Variants in VPS33B observed in about 807,000 individuals in gnomAD.
VPS33B encodes the protein VPS33B late endosome and lysosome associated, also known as vacuolar protein sorting-associated protein 33B.
A neutral mutation model predicts 95.3 loss-of-function variants in VPS33B; 80 were observed. The ratio of observed to expected loss-of-function variants is 0.84; its 90% CI spans 0.70 to 1.01. The LOEUF is 1.01. Among genes scored for constraint, VPS33B ranks in the 50% least tolerant of loss-of-function variants. The pLI, the probability that VPS33B is intolerant of heterozygous loss-of-function variation, is 0.00. For missense variants in VPS33B, 715 were observed against 773.4 expected, an observed-to-expected ratio of 0.92 and a Z score of 0.90; for synonymous variants, 280 against 280.4, an observed-to-expected ratio of 1.00 and a Z score of 0.01.
intron 6 of VPS33B, 120 bp from the exon 7 acceptor site, chr15:91,008,084 A>C (rs534364828): frequency 1.1e-6 from 1 of 871,706 alleles, no homozygotes; most frequent in South Asian, 1.4e-5. Context: ...GCCACATGCC[A>C]GTACTGCATT....
In VPS33B at chr15:91,005,904, A is replaced by G; in HGVS notation, c.939+69T>C. Reference sequence around the variant, plus strand: ...GAACCTGTCATAGTATTAGAAGGGGAGCCCAAGGGCAGCAGCCTTGGGAAG... The same window carrying G: ...GAACCTGTCATAGTATTAGAAGGGGGGCCCAAGGGCAGCAGCCTTGGGAAG... On this transcript the variant is annotated intron_variant, in intron 12 of 22. Coordinates refer to ENST00000333371, the MANE Select transcript of VPS33B (RefSeq NM_018668.5). This position sits in a 1 kb window ranked among gnomAD's most constrained non-coding sequence, Gnocchi z 6.4. The G allele has an allele frequency of 6.2e-7, 1 of 1,600,740 alleles. No individual in the cohort carries two copies.
Position 91,003,129 on chromosome 15 carries a change from A to C in VPS33B, c.1228T>G (p.Leu410Val). The change falls in exon 17 of 23, where the codon TTG (leucine) becomes GTG (valine). Residue 410 changes from leucine to valine, a missense_variant and splice_region_variant. Leu to Val is a conservative substitution (Grantham distance 32). Coordinates refer to ENST00000333371, the MANE Select transcript of VPS33B (RefSeq NM_018668.5). ...AGAGATCGGTAATCCTTGGGGATCAAACCTAAGAGTGAAGAAAATAAGACA... is the reference window on the plus strand; with the variant it reads ...AGAGATCGGTAATCCTTGGGGATCACACCTAAGAGTGAAGAAAATAAGACA... ...MCLLSITENGLIPKDYRSLKT... is the reference protein window; with the variant it reads ...MCLLSITENGVIPKDYRSLKT... 6.2e-7 allele frequency: 1 copy of C among 1,614,192 alleles called. No individual in the cohort carries two copies. The highest frequency in any genetic ancestry group is 8.5e-7 in the Non-Finnish European group (1 of 1,180,032).
rs1440520030 is a variant in VPS33B, at chr15:91,002,656, AGAAAT to A, written c.1272+424_1272+428del. On this transcript the variant is annotated intron_variant, in intron 17 of 22. Transcript: ENST00000333371. The surrounding 1 kb of genome is among the most constrained non-coding windows in gnomAD (Gnocchi z 4.7). ...AAATAAAAAAAAAAAAAAAAAGAAA[AGAAAT>A]AATTAGCACCAAACAAAGAAGAATA... 6.6e-6 allele frequency among the ~76,000 whole-genome samples: 1 copy of A among 151,772 alleles called. No homozygotes were observed. The highest frequency in any genetic ancestry group is 1.9e-4 in the East Asian group (1 of 5,188).
rs1235404192 is a variant in VPS33B, at chr15:91,009,814, C to T, written c.390G>A (p.Glu130=). The T allele has an allele frequency of 6.2e-7, 1 of 1,614,206 alleles. No individual in the cohort carries two copies. Among genetic ancestry groups the T allele is most frequent in the Non-Finnish European group, 8.5e-7 (1 of 1,180,036 alleles). ...ATCTCCTCTCACCTCCATAGATTCC[C>T]TCTTCCTCAAGCACCATCTCACACG... ...FYACEMVLEE[E]GIYGDVSCDE... The change falls in exon 6 of 23, where the codon GAG becomes GAA. Residue 130 remains glutamate, a synonymous_variant. Coordinates refer to ENST00000333371, the MANE Select transcript of VPS33B (RefSeq NM_018668.5). This position sits in a 1 kb window ranked among gnomAD's most constrained non-coding sequence, Gnocchi z 4.1.
rs1339134734 is a variant in VPS33B, at chr15:91,000,854, G to T, written c.1480-263C>A. On this transcript the variant is annotated intron_variant, in intron 19 of 22. Coordinates refer to ENST00000333371, the MANE Select transcript of VPS33B (RefSeq NM_018668.5). This position sits in a 1 kb window ranked among gnomAD's most constrained non-coding sequence, Gnocchi z 4.9. ...TGGCTTCTCCTTTCCCTACCCTTAA[G>T]TGACACAGGATATGGTTGTCACTGA... The T allele has an allele frequency of 2.1e-6, 1 of 467,748 alleles. No homozygotes were observed. The highest frequency in any genetic ancestry group is 4.0e-6 in the Non-Finnish European group (1 of 253,000). The allele number at this position is 467,748 out of a possible 1,614,324, so 29.0% of individuals were successfully genotyped here.
At position 91,007,561 on chromosome 15, in the gene VPS33B, G is replaced by A. The variant is rs758360162; in HGVS notation, c.511C>T (p.Arg171Cys). The A allele has an allele frequency of 2.5e-6, 4 of 1,613,902 alleles. No individual in the cohort carries two copies. Among genetic ancestry groups the A allele is most frequent in the East Asian group, 2.2e-5 (1 of 44,892 alleles). Residue 171 changes from arginine to cysteine, a missense_variant, in exon 8 of 23, where the codon CGT becomes TGT. By Grantham distance (180) the Arg-to-Cys change is radical. Coordinates refer to ENST00000333371, the MANE Select transcript of VPS33B (RefSeq NM_018668.5). This position sits in a 1 kb window ranked among gnomAD's most constrained non-coding sequence, Gnocchi z 5.3. Reference sequence around the variant, plus strand: ...GCCTGAGCTACAGTGTTGATCCAACGCTGATCTCCTTCCTGCAGGGACCAC... The same window carrying A: ...GCCTGAGCTACAGTGTTGATCCAACACTGATCTCCTTCCTGCAGGGACCAC... ...FRDYFLEGDQRWINTVAQALH... is the reference protein window; with the variant it reads ...FRDYFLEGDQCWINTVAQALH...
chr15:91,004,954 G>C, intron 15 of VPS33B, 23 bp from the exon 16 acceptor site: 1 of 1,614,194 alleles, frequency 6.2e-7, no homozygotes, highest in South Asian at 1.1e-5. Flanking sequence ...AAAGAATCAA[G>C]GAGAATTGAA....
At position 91,002,972 on chromosome 15, in the gene VPS33B, G is replaced by T; in HGVS notation, c.1272+113C>A. The T allele has an allele frequency of 8.5e-7, 1 of 1,182,910 alleles. No individual in the cohort carries two copies. The highest frequency in any genetic ancestry group is 1.3e-6 in the Non-Finnish European group (1 of 788,508). The allele number at this position is 1,182,910 out of a possible 1,614,324, so 73.3% of individuals were successfully genotyped here. A position where few individuals can be genotyped will look rare whatever the true frequency, so the allele number is the denominator to read the frequency against. On this transcript the variant is annotated intron_variant, in intron 17 of 22. Coordinates refer to ENST00000333371, the MANE Select transcript of VPS33B (RefSeq NM_018668.5). The surrounding 1 kb of genome is among the most constrained non-coding windows in gnomAD (Gnocchi z 4.7). Reference sequence around the variant, plus strand: ...TAGCTCTAAGAGGGAGGCCTGAATGGAAACAGGAGGGTAATGGAGGCAGGA... The same window carrying T: ...TAGCTCTAAGAGGGAGGCCTGAATGTAAACAGGAGGGTAATGGAGGCAGGA...
Position 91,011,496 on chromosome 15 carries a change from A to G in VPS33B, c.358-1650T>C, listed in dbSNP as rs1386444071. On this transcript the variant is annotated intron_variant, in intron 5 of 22. Coordinates refer to ENST00000333371, the MANE Select transcript of VPS33B (RefSeq NM_018668.5). The surrounding 1 kb of genome is among the most constrained non-coding windows in gnomAD (Gnocchi z 5.5). ...AATGGAATTCCAGAGCCAGGTCTGA[A>G]AACTGCCAATCTTCATAATTAACAA... Among the ~76,000 whole-genome samples the G allele has an allele frequency of 6.6e-6, 1 of 152,232 alleles. No individual in the cohort carries two copies. The highest frequency in any genetic ancestry group is 1.5e-5 in the Non-Finnish European group (1 of 68,044).
Position 91,009,051 on chromosome 15 carries a change from G to A in VPS33B, c.403+750C>T, listed in dbSNP as rs775696024. Reference sequence around the variant, plus strand: ...GGGATTCTGGGCTTTATATTGAGCCGCTGCTATTTCCAGCAGGGAGGGCTG... The same window carrying A: ...GGGATTCTGGGCTTTATATTGAGCCACTGCTATTTCCAGCAGGGAGGGCTG... On this transcript the variant is annotated intron_variant, in intron 6 of 22. Coordinates refer to ENST00000333371, the MANE Select transcript of VPS33B (RefSeq NM_018668.5). This position sits in a 1 kb window ranked among gnomAD's most constrained non-coding sequence, Gnocchi z 4.1. Among the ~76,000 whole-genome samples, 3 of 152,092 alleles carry A rather than the reference G, an allele frequency of 2.0e-5. No individual in the cohort carries two copies. The highest frequency in any genetic ancestry group is 4.4e-5 in the Non-Finnish European group (3 of 68,018).
chr15:91,006,025 T>C lies in VPS33B; in HGVS notation c.887A>G (p.Asn296Ser), dbSNP rs1339260867. 3.7e-6 allele frequency: 6 copies of C among 1,614,036 alleles called. No individual in the cohort carries two copies. The highest frequency in any genetic ancestry group is 4.5e-5 in the East Asian group (2 of 44,888). ...FNEIRNEHFS[N>S]VFGFLSQKAR... is the part of the protein sequence containing the mutation. ...CTTCTGGCTCAAGAAGCCAAAGACA[T>C]TGGAGAAGTGCTCGTTCCGAATCTC... is the stretch of plus-strand genomic sequence containing the variant. The change falls in exon 12 of 23, where the codon AAT (asparagine) becomes AGT (serine). Residue 296 changes from asparagine to serine, a missense_variant. Coordinates refer to ENST00000333371, the MANE Select transcript of VPS33B (RefSeq NM_018668.5). The surrounding 1 kb of genome is among the most constrained non-coding windows in gnomAD (Gnocchi z 5.4).
rs2040363877 is a variant in VPS33B at position 90,999,295 on chromosome 15, T to C, written c.1775-241A>G. On this transcript the variant is annotated intron_variant, in intron 22 of 22. Transcript: ENST00000333371. This position sits in a 1 kb window ranked among gnomAD's most constrained non-coding sequence, Gnocchi z 5.1. ...GTATTCTGAGGCCAGGAGAAAAATA[T>C]TCCTGTGCAGGACACTTTGCGTGTT... 3 of 593,814 alleles carry C rather than the reference T, an allele frequency of 5.1e-6. No individual in the cohort carries two copies. The highest frequency in any genetic ancestry group is 1.9e-5 in the African/African-American group (1 of 53,538). 36.8% of individuals were successfully genotyped at this position (593,814 alleles called of 1,614,324 possible). A position where few individuals can be genotyped will look rare whatever the true frequency, so the allele number is the denominator to read the frequency against.
chr15:91,009,961 CA>C lies in VPS33B; in HGVS notation c.358-116del. The C allele has an allele frequency of 8.7e-7, 1 of 1,143,860 alleles. No individual in the cohort carries two copies. The highest frequency in any genetic ancestry group is 1.3e-6 in the Non-Finnish European group (1 of 765,238). 70.9% of individuals were successfully genotyped at this position (1,143,860 alleles called of 1,614,324 possible). ...AATAATTGCCGAACCCAGTGAAAGA[CA>C]AGAGAACCCAGACTCTTAAGATCTA... On this transcript the variant is annotated intron_variant, in intron 5 of 22. Transcript: ENST00000333371. This position sits in a 1 kb window ranked among gnomAD's most constrained non-coding sequence, Gnocchi z 4.1.
intron 16 of VPS33B, among the ~76,000 whole-genome samples, chr15:91,004,252 G>C (rs1048692785): frequency 4.0e-5 from 6 of 149,214 alleles, no homozygotes; most frequent in African/African-American, 1.5e-4. Context: ...AAAAGAAAAA[G>C]AAGGCAACCT....
At chr15:91,003,774 A>G (rs2040514460) in intron 16 of VPS33B, among the ~76,000 whole-genome samples, 2 of 152,194 alleles carry the variant, frequency 1.3e-5, no homozygotes, top group African/African-American at 4.8e-5. Flanking sequence ...GGGCAGTTCT[A>G]CTAGGAACTG....
chr15:91,003,391 ATGTGGGGAGGATGCAG>A (rs759586197), intron 16 of VPS33B, among the ~76,000 whole-genome samples: 3 of 152,136 alleles, frequency 2.0e-5, no homozygotes, highest in Non-Finnish European at 4.4e-5. Context: ...TCGTAGTGGG[ATGTGGGGAGGATGCAG>A]CAGGAGGGAG....
chr15:91,001,389 CAA>C lies in VPS33B; in HGVS notation c.1477_1478del (p.Leu493AspfsTer9). The C allele has an allele frequency of 6.2e-7, 1 of 1,613,082 alleles. No homozygotes were observed. The highest frequency in any genetic ancestry group is 8.5e-7 in the Non-Finnish European group (1 of 1,179,342). On this transcript the variant is annotated frameshift_variant and splice_region_variant, in exon 19 of 23. Transcript: ENST00000333371. LOFTEE classifies it high-confidence loss of function. ...NFRAISKKLN[L>X]IPRVDGEYDL... Reference sequence around the variant, plus strand: ...CCCTAACCATCCCTGTTCCACATACCAAATTCAGCTTTTTGCTGATGGCACGA... The same window carrying C: ...CCCTAACCATCCCTGTTCCACATACCATTCAGCTTTTTGCTGATGGCACGA...
At position 90,999,125 on chromosome 15, in the gene VPS33B, C is replaced by T. The variant is rs2040358388; in HGVS notation, c.1775-71G>A. Reference sequence around the variant, plus strand: ...GCCCCAACGGCAACCCATAGAGCCTCTCCAGTTCCACAGTCCCCACGGGAT... The same window carrying T: ...GCCCCAACGGCAACCCATAGAGCCTTTCCAGTTCCACAGTCCCCACGGGAT... On this transcript the variant is annotated intron_variant, in intron 22 of 22. Coordinates refer to ENST00000333371, the MANE Select transcript of VPS33B (RefSeq NM_018668.5). This position sits in a 1 kb window ranked among gnomAD's most constrained non-coding sequence, Gnocchi z 5.1. 2.1e-6 allele frequency: 3 copies of T among 1,443,792 alleles called. No homozygotes were observed. In the East Asian group the frequency reaches 6.9e-5, roughly 33 times the overall value. 89.4% of individuals were successfully genotyped at this position (1,443,792 alleles called of 1,614,324 possible).
In VPS33B at chr15:91,005,645, C is replaced by T. The variant is rs779665905; in HGVS notation, c.1030+49G>A. The T allele has an allele frequency of 5.6e-6, 9 of 1,609,762 alleles. No homozygotes were observed. Among genetic ancestry groups the T allele is most frequent in the Middle Eastern group, 1.7e-4 (1 of 6,048 alleles). The stretch of plus-strand genomic sequence containing the variant: ...GAGTAATGGTCCTCTGGAGCTTTCC[C>T]CAGAGGGACACAGTCACTTCCCCTC... On this transcript the variant is annotated intron_variant, in intron 13 of 22. Transcript: ENST00000333371. This position sits in a 1 kb window ranked among gnomAD's most constrained non-coding sequence, Gnocchi z 6.4.
Sources: allele counts gnomAD v4.1 joint callset (sites outside exome capture counted in the v4.1 genomes callset), GRCh38; gene constraint gnomAD v4.1.1; non-coding constraint Gnocchi (gnomAD v3.1); transcripts MANE v1.5; gene names NCBI Gene and HGNC (gene_info 2026-07-23, HGNC 2026-07-21).